Variants in SOX5 observed in about 807,000 individuals in gnomAD.
The protein encoded by SOX5 is SRY-box transcription factor 5, also known as transcription factor SOX-5.
A neutral mutation model predicts 92.0 loss-of-function variants in SOX5; 9 were observed. The observed-to-expected ratio is 0.10, with a 90% confidence interval of 0.06 to 0.17. SOX5 has a LOEUF of 0.17. Ranked by LOEUF, SOX5 falls within the 10% of genes least tolerant of loss-of-function variation. SOX5 has a pLI of 1.00. For synonymous variants in SOX5, 344 were observed against 336.3 expected, an observed-to-expected ratio of 1.02 and a Z score of -0.25; for missense variants, 642 against 944.5, an observed-to-expected ratio of 0.68 and a Z score of 4.20.
intron 3 of SOX5, among the ~76,000 whole-genome samples, chr12:23,819,649 A>C (rs1171452214): frequency 6.6e-6 from 1 of 151,404 alleles, no homozygotes; most frequent in South Asian, 2.1e-4. Flanking sequence ...TCATTGTTCA[A>C]CTCCCACTTA....
At chr12:24,001,869 T>C (rs1951643483) in intron 4 of SOX5, among the ~76,000 whole-genome samples, 1 of 152,038 alleles carries the variant, frequency 6.6e-6, no homozygotes, top group East Asian at 1.9e-4. Context: ...GAGGCTGAGG[T>C]GGGATGACCA....
chr12:23,776,274 AT>A (rs2141644653), intron 3 of SOX5, among the ~76,000 whole-genome samples: 1 of 152,304 alleles, frequency 6.6e-6, no homozygotes, highest in South Asian at 2.1e-4. Flanking sequence ...ATTAGTAACA[AT>A]TTATTTTCCT....
At chr12:24,120,663 G>C (rs1948517540) in intron 4 of SOX5, among the ~76,000 whole-genome samples, 1 of 152,250 alleles carries the variant, frequency 6.6e-6, no homozygotes, top group Admixed American at 6.5e-5. Flanking sequence ...CAATCTATCT[G>C]TGATCTTATG....
chr12:23,573,254 C>A (rs1948640010), intron 10 of SOX5, among the ~76,000 whole-genome samples: 1 of 152,102 alleles, frequency 6.6e-6, no homozygotes, highest in Non-Finnish European at 1.5e-5. Context: ...CACTTCCCAA[C>A]ACCAAACTTA....
intron 4 of SOX5, among the ~76,000 whole-genome samples, chr12:24,002,601 T>A (rs1951720732): frequency 1.3e-5 from 2 of 150,836 alleles, no homozygotes; most frequent in South Asian, 4.2e-4. Flanking sequence ...AATCAACTTG[T>A]AAGTTTCTTC....
At chr12:24,334,665 T>C (rs1951693604) in intron 2 of SOX5, among the ~76,000 whole-genome samples, 1 of 152,072 alleles carries the variant, frequency 6.6e-6, no homozygotes, top group African/African-American at 2.4e-5. Context: ...CTTTACAAAA[T>C]AAGCAAAGAA....
At chr12:24,321,923 T>C (rs138602274) in intron 2 of SOX5, among the ~76,000 whole-genome samples, 8 of 152,142 alleles carry the variant, frequency 5.3e-5, no homozygotes, top group African/African-American at 1.9e-4. Context: ...AATTATTATG[T>C]TGGAAATGGC....
intron 4 of SOX5, among the ~76,000 whole-genome samples, chr12:24,065,244 T>G (rs533371364): frequency 1.3e-5 from 2 of 152,162 alleles, no homozygotes; most frequent in Admixed American, 6.5e-5. Context: ...AATCACTCTG[T>G]GCCCTCCTAC....
rs769930432 is a variant in SOX5, at chr12:23,534,267, T to C, written c.2244A>G (p.Val748=). The change falls in exon 15 of 15, where the codon GTA becomes GTG. Residue 748 remains valine (V), a synonymous_variant. Coordinates refer to ENST00000451604, the MANE Select transcript of SOX5 (RefSeq NM_006940.6). ...EYDEEEDDPD[V]DYGSDSENHI... ...GGTTTTCACTGTCACTCCCATAATC[T>C]ACATCTGGATCATCCTCTTCCTCGT... 7 of 1,614,172 alleles carry C rather than the reference T, an allele frequency of 4.3e-6. No individual in the cohort carries two copies. The highest frequency in any genetic ancestry group is 5.9e-6 in the Non-Finnish European group (7 of 1,180,000).
intron 2 of SOX5, among the ~76,000 whole-genome samples, chr12:24,321,158 G>A (rs1226131082): frequency 6.6e-6 from 1 of 152,156 alleles, no homozygotes; most frequent in Non-Finnish European, 1.5e-5. Flanking sequence ...TTTATTCCTT[G>A]TAAAGCTGAC....
intron 2 of SOX5, among the ~76,000 whole-genome samples, chr12:24,325,215 C>A: frequency 6.6e-6 from 1 of 151,658 alleles, no homozygotes; most frequent in East Asian, 1.9e-4. Context: ...GTTATACACA[C>A]TAAAATTGTT....
chr12:24,060,357 A>G (rs1020042055), intron 4 of SOX5, among the ~76,000 whole-genome samples: 1 of 152,222 alleles, frequency 6.6e-6, no homozygotes, highest in Non-Finnish European at 1.5e-5. Flanking sequence ...ATGCGCTTGT[A>G]CTGCACTCTT....
intron 8 of SOX5, among the ~76,000 whole-genome samples, chr12:23,617,986 G>GTA (rs2076768787): frequency 6.6e-6 from 1 of 152,038 alleles, no homozygotes; most frequent in South Asian, 2.1e-4. Context: ...CCCATATGAT[G>GTA]TATGACCTAT....
intron 2 of SOX5, among the ~76,000 whole-genome samples, chr12:24,345,442 C>T (rs1466412912): frequency 6.6e-6 from 1 of 152,152 alleles, no homozygotes; most frequent in African/African-American, 2.4e-5. Context: ...ACTGGTTTTC[C>T]ACTAGCTATC....
chr12:24,499,326 G>T (rs569464225), intron 1 of SOX5, among the ~76,000 whole-genome samples: 1 of 152,216 alleles, frequency 6.6e-6, no homozygotes, highest in Non-Finnish European at 1.5e-5. Flanking sequence ...TAGGGCTTAA[G>T]AGGAATGTCT....
intron 1 of SOX5, among the ~76,000 whole-genome samples, chr12:24,505,728 G>A (rs1948650233): frequency 6.6e-6 from 1 of 152,110 alleles, no homozygotes; most frequent in South Asian, 2.1e-4. Context: ...TACGCACTAT[G>A]AGTCCATCAA....
chr12:24,261,270 T>G (rs932506488), intron 3 of SOX5, among the ~76,000 whole-genome samples: 1 of 152,176 alleles, frequency 6.6e-6, no homozygotes, highest in African/African-American at 2.4e-5. Context: ...GACTAAAATT[T>G]TTAGCAGAAA....
intron 4 of SOX5, among the ~76,000 whole-genome samples, chr12:24,043,002 G>A (rs1956662466): frequency 6.6e-6 from 1 of 152,160 alleles, no homozygotes; most frequent in African/African-American, 2.4e-5. Context: ...TAGTAGAGGA[G>A]AGACTGGAAC....
intron 4 of SOX5, among the ~76,000 whole-genome samples, chr12:23,978,170 T>C (rs1949130506): frequency 6.6e-6 from 1 of 152,194 alleles, no homozygotes; most frequent in Admixed American, 6.5e-5. Context: ...CTGCAAAATT[T>C]GCCTGGTAAA....
Sources: gnomAD v4.1 joint callset for allele counts (sites outside exome capture counted in the v4.1 genomes callset) on GRCh38, gnomAD v4.1.1 for gene constraint, MANE v1.5 for transcripts, NCBI Gene and HGNC (gene_info 2026-07-23, HGNC 2026-07-21) for gene names.